The following PDE1A variants were observed in gnomAD, a reference collection of about 807,000 sequenced individuals.
The protein encoded by PDE1A is phosphodiesterase 1A, also known as dual specificity calcium/calmodulin-dependent 3',5'-cyclic nucleotide phosphodiesterase 1A.
In PDE1A, 35 loss-of-function variants were observed where a neutral mutation model predicts 61.7. That is an observed-to-expected ratio of 0.57 (90% CI 0.43 to 0.75). PDE1A has a LOEUF of 0.75. Ranked by LOEUF, PDE1A falls within the 30% of genes least tolerant of loss-of-function variation. The pLI is 0.00. For synonymous variants in PDE1A, 232 were observed against 213.2 expected, an observed-to-expected ratio of 1.09 and a Z score of -0.77; for missense variants, 597 against 630.6, an observed-to-expected ratio of 0.95 and a Z score of 0.57.
chr2:182,434,889 AATAAT>A (rs1704134295), intron 2 of PDE1A, among the ~76,000 whole-genome samples: 1 of 152,102 alleles, frequency 6.6e-6, no homozygotes, highest in East Asian at 1.9e-4. Context: ...TAGATTAATT[AATAAT>A]AATGTTCACA....
intron 1 of PDE1A, among the ~76,000 whole-genome samples, chr2:182,364,489 A>AAAAAAAAAC (rs1559379234): frequency 6.9e-6 from 1 of 145,500 alleles, no homozygotes; most frequent in African/African-American, 2.5e-5. Context: ...AAAAAAAAAA[A>AAAAAAAAAC]AAAAAAAAAA....
the PDE1A span, among the ~76,000 whole-genome samples, chr2:182,685,984 A>G: frequency 6.6e-6 from 1 of 152,176 alleles, no homozygotes; most frequent in African/African-American, 2.4e-5. Flanking sequence ...ATGATTCTGT[A>G]CCACATAACG....
At chr2:182,483,287 A>T (rs1356479161) in intron 2 of PDE1A, among the ~76,000 whole-genome samples, 4 of 151,940 alleles carry the variant, frequency 2.6e-5, no homozygotes, top group Admixed American at 2.6e-4. Context: ...GACAGAAAAA[A>T]TAAAGGGGTA....
the PDE1A span, among the ~76,000 whole-genome samples, chr2:182,644,609 C>T: frequency 1.3e-5 from 2 of 151,964 alleles, no homozygotes; most frequent in East Asian, 1.9e-4. Flanking sequence ...CCAATTTTGC[C>T]AAAGTTACTA....
At chr2:182,168,311 C>G in intron 13 of PDE1A, 2 of 1,527,248 alleles carry the variant, frequency 1.3e-6, no homozygotes, top group Non-Finnish European at 8.8e-7. Flanking sequence ...AAAAAGCGTA[C>G]TTATTTTAAT....
At chr2:182,654,949 T>A in the PDE1A span, among the ~76,000 whole-genome samples, 1 of 152,172 alleles carries the variant, frequency 6.6e-6, no homozygotes, top group Admixed American at 6.5e-5. Flanking sequence ...GCCTCCTGGT[T>A]ATTCATCTGG....
intron 1 of PDE1A, among the ~76,000 whole-genome samples, chr2:182,374,896 G>A (rs756802132): frequency 4.6e-5 from 7 of 152,200 alleles, no homozygotes; most frequent in African/African-American, 7.2e-5. Context: ...TCACAATCAT[G>A]GTGGAAGGCA....
the PDE1A span, among the ~76,000 whole-genome samples, chr2:182,621,505 G>C: frequency 6.6e-6 from 1 of 151,820 alleles, no homozygotes; most frequent in African/African-American, 2.4e-5. Flanking sequence ...AATAATACCC[G>C]TTAATATCCT....
chr2:182,282,084 G>C (rs1056553662), intron 1 of PDE1A, among the ~76,000 whole-genome samples: 2 of 151,812 alleles, frequency 1.3e-5, no homozygotes, highest in African/African-American at 4.8e-5. Flanking sequence ...CTTGATATGG[G>C]AGTAGGCCTA....
At chr2:182,219,127 TGTTATA>T (rs1688503406) in intron 7 of PDE1A, among the ~76,000 whole-genome samples, 2 of 152,114 alleles carry the variant, frequency 1.3e-5, no homozygotes, top group African/African-American at 4.8e-5. Context: ...TAAATTTTAT[TGTTATA>T]GATCCTTTTG....
the PDE1A span, among the ~76,000 whole-genome samples, chr2:182,586,331 C>T: frequency 2.6e-5 from 4 of 152,136 alleles, no homozygotes; most frequent in African/African-American, 9.6e-5. Context: ...GAACCTTGTG[C>T]ACTACTCTAC....
chr2:182,628,685 T>C, the PDE1A span, among the ~76,000 whole-genome samples: 1 of 152,172 alleles, frequency 6.6e-6, no homozygotes, highest in South Asian at 2.1e-4. Context: ...TTTTTAATTA[T>C]TCAACACATA....
At chr2:182,504,542 T>C (rs1332542878) in intron 2 of PDE1A, among the ~76,000 whole-genome samples, 1 of 152,200 alleles carries the variant, frequency 6.6e-6, no homozygotes, top group East Asian at 1.9e-4. Context: ...TATAATAAAG[T>C]CATTTGGGGA....
the PDE1A span, among the ~76,000 whole-genome samples, chr2:182,625,012 T>C: frequency 1.2e-3 from 190 of 152,168 alleles, 5 homozygotes; most frequent in South Asian, 0.037. Flanking sequence ...GTGGAGCCTT[T>C]GGGAGGTGAT....
chr2:182,180,450 TCTG>T (rs1559145230), intron 13 of PDE1A, among the ~76,000 whole-genome samples: 1 of 152,184 alleles, frequency 6.6e-6, no homozygotes, highest in Non-Finnish European at 1.5e-5. Context: ...TGCTGAGAGA[TCTG>T]CTGTTAGTCT....
intron 2 of PDE1A, among the ~76,000 whole-genome samples, chr2:182,470,769 C>T (rs1431535652): frequency 1.3e-5 from 2 of 151,762 alleles, no homozygotes; most frequent in Non-Finnish European, 2.9e-5. Context: ...TATATACGAA[C>T]ACAGTCATGG....
exon 15 of PDE1A, chr2:182,141,060 T>TTTAGTA (rs1471439407): frequency 2.0e-5 from 3 of 152,092 alleles, no homozygotes; most frequent in South Asian, 2.1e-4. Flanking sequence ...ATGAATTCTT[T>TTTAGTA]ATATTCCTCT....
chr2:182,587,539 G>A, the PDE1A span, among the ~76,000 whole-genome samples: 4 of 152,106 alleles, frequency 2.6e-5, no homozygotes, highest in Non-Finnish European at 4.4e-5. Flanking sequence ...GTTATTCCAC[G>A]TGGTTATAAC....
chr2:182,349,899 T>A (rs1434853441), intron 1 of PDE1A, among the ~76,000 whole-genome samples: 1 of 152,158 alleles, frequency 6.6e-6, no homozygotes, highest in Admixed American at 6.6e-5. Context: ...TTTACTACTG[T>A]ATTTTTTTTA....
Sources: allele counts gnomAD v4.1 joint callset (sites outside exome capture counted in the v4.1 genomes callset), GRCh38; gene constraint gnomAD v4.1.1; transcripts MANE v1.5; gene names NCBI Gene and HGNC (gene_info 2026-07-23, HGNC 2026-07-21).